DPCD: variants seen among roughly 807,000 people sequenced by gnomAD.
DPCD encodes the protein protein DPCD.
A neutral mutation model predicts 26.4 loss-of-function variants in DPCD; 20 were observed. The observed-to-expected ratio is 0.76, with a 90% CI of 0.53 to 1.10. The LOEUF (loss-of-function observed/expected upper bound fraction) is 1.10, where lower values mean the gene tolerates loss of function less well. DPCD is among the 50% of genes least tolerant of loss of function. The probability of loss-of-function intolerance (pLI) is 0.00; values close to 1 mark genes in which losing one functional copy is unlikely to be tolerated. For synonymous variants in DPCD, 97 were observed against 94.2 expected, an observed-to-expected ratio of 1.03 and a Z score of -0.17; for missense variants, 202 against 253.9, an observed-to-expected ratio of 0.80 and a Z score of 1.39.
In DPCD at chr10:101,600,935, C is replaced by T. The variant is rs1047382012; in HGVS notation, c.270+73C>T. On this transcript the variant is annotated intron_variant, in intron 3 of 5. Coordinates refer to ENST00000370151, the MANE Select transcript of DPCD (RefSeq NM_015448.3). The surrounding 1 kb of genome is among the most constrained non-coding windows in gnomAD (Gnocchi z 4.7). The stretch of plus-strand genomic sequence containing the variant: ...GCTGTGGGCTGCTGGCTCTTGAGGG[C>T]AGGGACCATGTCTTGTTCACCTCCT... 4 of 1,604,586 alleles carry T rather than the reference C, an allele frequency of 2.5e-6. No homozygotes were observed. The African/African-American group carries it at 5.4e-5, about 22-fold the overall frequency.
chr10:101,606,613 G>T (rs546854493), intron 4 of DPCD, among the ~76,000 whole-genome samples: 2 of 152,130 alleles, frequency 1.3e-5, no homozygotes, highest in Non-Finnish European at 2.9e-5. Flanking sequence ...CACCAGGCCC[G>T]CCCTCTTCTT....
chr10:101,598,066 GCTGA>G (rs1465980494), intron 2 of DPCD, among the ~76,000 whole-genome samples: 2 of 152,210 alleles, frequency 1.3e-5, no homozygotes, highest in Non-Finnish European at 2.9e-5. Flanking sequence ...GAAATCAGCA[GCTGA>G]CTTTCTTCCT....
In DPCD at chr10:101,601,337, G is replaced by T. The variant is rs2063696937; in HGVS notation, c.404+1G>T. The T allele has an allele frequency of 6.2e-7, 1 of 1,613,676 alleles. No individual in the cohort carries two copies. Among genetic ancestry groups the T allele is most frequent in the Non-Finnish European group, 8.5e-7 (1 of 1,179,798 alleles). ...TCATTGTCAGAACAACCAACAAGAA[G>T]TGAGTAGCGTGGAAGGCACCCTGTG... On this transcript the variant is annotated splice_donor_variant, in intron 4 of 5. Transcript: ENST00000370151. LOFTEE classifies it high-confidence loss of function.
intron 1 of DPCD, among the ~76,000 whole-genome samples, chr10:101,588,855 C>T (rs2063535549): frequency 6.6e-6 from 1 of 152,228 alleles, no homozygotes; most frequent in Non-Finnish European, 1.5e-5. Context: ...TCACTTTCCT[C>T]ATCTATAAAA....
intron 4 of DPCD, chr10:101,605,078 G>T: frequency 6.5e-7 from 1 of 1,549,682 alleles, no homozygotes; most frequent in Admixed American, 2.0e-5. Flanking sequence ...ACTGTGGGTG[G>T]GGGTGCCAAG....
chr10:101,601,756 C>T (rs2063700446), intron 4 of DPCD, among the ~76,000 whole-genome samples: 2 of 151,960 alleles, frequency 1.3e-5, no homozygotes, highest in South Asian at 4.2e-4. Flanking sequence ...GGAAGGCACC[C>T]CTGTCTGAAG....
chr10:101,601,792 T>C (rs771236595), intron 4 of DPCD, among the ~76,000 whole-genome samples: 1 of 152,072 alleles, frequency 6.6e-6, no homozygotes, highest in Non-Finnish European at 1.5e-5. Context: ...TTTAAAGCAG[T>C]ACTTGACAGC....
chr10:101,589,872 A>G (rs542383101), intron 1 of DPCD, among the ~76,000 whole-genome samples: 1 of 152,260 alleles, frequency 6.6e-6, no homozygotes, highest in African/African-American at 2.4e-5. Context: ...TGACAGAGTG[A>G]GTGAGACTGT....
intron 2 of DPCD, among the ~76,000 whole-genome samples, chr10:101,595,537 A>G (rs1031620713): frequency 4.0e-4 from 61 of 152,230 alleles, no homozygotes; most frequent in African/African-American, 1.4e-3. Context: ...CTTGGCTTTA[A>G]TTTCTTCCTG....
At position 101,609,618 on chromosome 10, in the gene DPCD, A is replaced by C; in HGVS notation, c.*147A>C. 1.5e-6 allele frequency: 1 copy of C among 645,262 alleles called. No homozygotes were observed. The highest frequency in any genetic ancestry group is 2.7e-6 in the Non-Finnish European group (1 of 371,720). 40.0% of individuals were successfully genotyped at this position (645,262 alleles called of 1,614,324 possible). A position where few individuals can be genotyped will look rare whatever the true frequency, so the allele number is the denominator to read the frequency against. On this transcript the variant is annotated 3_prime_UTR_variant, in exon 6 of 6. Transcript: ENST00000370151. ...ATGGGGCACTCCTAGCCAGTGAGTCATGGTCATATTTCCTGAGTAAAGTCA... is the reference window on the plus strand; with the variant it reads ...ATGGGGCACTCCTAGCCAGTGAGTCCTGGTCATATTTCCTGAGTAAAGTCA...
At chr10:101,606,754 T>C (rs2063735655) in intron 4 of DPCD, among the ~76,000 whole-genome samples, 1 of 152,162 alleles carries the variant, frequency 6.6e-6, no homozygotes, top group Admixed American at 6.6e-5. Context: ...GGTCTCTCTC[T>C]TGTCCAGGTG....
intron 1 of DPCD, among the ~76,000 whole-genome samples, chr10:101,590,062 GGAA>G (rs960840987): frequency 2.6e-5 from 3 of 113,804 alleles, no homozygotes; most frequent in African/African-American, 9.5e-5. Flanking sequence ...CAAAAAAACT[GGAA>G]AAAAAAAAAA....
Position 101,603,774 on chromosome 10 carries a change from T to A in DPCD, c.404+2438T>A, listed in dbSNP as rs1195700957. ...TCCATCTCAAAAAAAAAAAAAGAGA[T>A]GGAGTCTTGCCCTATTGCCCAGGCT... On this transcript the variant is annotated intron_variant, in intron 4 of 5. Coordinates refer to ENST00000370151, the MANE Select transcript of DPCD (RefSeq NM_015448.3). This position sits in a 1 kb window ranked among gnomAD's most constrained non-coding sequence, Gnocchi z 4.6. Among the ~76,000 whole-genome samples the A allele has an allele frequency of 4.0e-5, 6 of 151,426 alleles. No individual in the cohort carries two copies. Among genetic ancestry groups the A allele is most frequent in the Non-Finnish European group, 8.8e-5 (6 of 67,840 alleles).
intron 1 of DPCD, among the ~76,000 whole-genome samples, chr10:101,588,992 GAAGA>G (rs1249712112): frequency 1.3e-5 from 2 of 152,370 alleles, no homozygotes; most frequent in Admixed American, 1.3e-4. Flanking sequence ...GCTGTGCCTG[GAAGA>G]AGTGGGCACA....
rs753242714 is a variant in DPCD, at chr10:101,603,756, C to CA, written c.404+2433dup. Among the ~76,000 whole-genome samples the CA allele has an allele frequency of 0.09, 11,850 of 131,712 alleles. 513 individuals are homozygous for CA. Among genetic ancestry groups the CA allele is most frequent in the African/African-American group, 0.13 (4,775 of 35,906 alleles). 86.4% of individuals were successfully genotyped at this position (131,712 alleles called of 152,430 possible). ...TGGGTGACAGAGTGAGACTCCATCT[C>CA]AAAAAAAAAAAAAGAGATGGAGTCT... On this transcript the variant is annotated intron_variant, in intron 4 of 5. Coordinates refer to ENST00000370151, the MANE Select transcript of DPCD (RefSeq NM_015448.3). This position sits in a 1 kb window ranked among gnomAD's most constrained non-coding sequence, Gnocchi z 4.6.
At chr10:101,609,314 AAGG>A (rs199618980) in intron 5 of DPCD, 50 bp from the exon 6 acceptor site, 45,554 of 1,577,838 alleles carry the variant, frequency 0.029, 733 homozygotes, top group Non-Finnish European at 0.032. Context: ...GTGTGTGTGG[AAGG>A]AGATGGGACA....
chr10:101,591,858 T>A (rs2063611460), intron 1 of DPCD, among the ~76,000 whole-genome samples: 2 of 152,006 alleles, frequency 1.3e-5, no homozygotes, highest in East Asian at 1.9e-4. Flanking sequence ...ATTTTTTTTT[T>A]AATTTTTAGT....
intron 2 of DPCD, among the ~76,000 whole-genome samples, chr10:101,596,260 ACT>A (rs747177582): frequency 8.3e-4 from 126 of 151,980 alleles, no homozygotes; most frequent in Non-Finnish European, 1.6e-3. Flanking sequence ...ACAGGAGAAC[ACT>A]GTTTGGCTAA....
chr10:101,595,101 T>TTTTG (rs1306137398), intron 2 of DPCD, among the ~76,000 whole-genome samples: 1 of 152,298 alleles, frequency 6.6e-6, no homozygotes, highest in Non-Finnish European at 1.5e-5. Flanking sequence ...TTCCTTGTTT[T>TTTTG]TTTGTTTGTT....
Sources: allele counts gnomAD v4.1 joint callset (sites outside exome capture counted in the v4.1 genomes callset), GRCh38; gene constraint gnomAD v4.1.1; non-coding constraint Gnocchi (gnomAD v3.1); transcripts MANE v1.5; gene names NCBI Gene and HGNC (gene_info 2026-07-23, HGNC 2026-07-21).